The following TMPRSS15 variants were observed in gnomAD, a reference collection of about 807,000 sequenced individuals.
The protein encoded by TMPRSS15 is transmembrane serine protease 15.
Under a neutral mutation model 125.3 loss-of-function variants are expected in TMPRSS15, and 128 were observed. The ratio of observed to expected loss-of-function variants is 1.02; its 90% CI spans 0.89 to 1.18. The LOEUF (loss-of-function observed/expected upper bound fraction) is 1.18, where lower values mean the gene tolerates loss of function less well. TMPRSS15 is among the 50% of genes most tolerant of loss of function. TMPRSS15 has a pLI of 0.00. For missense variants in TMPRSS15, 1,283 were observed against 1,212.7 expected (o/e 1.06, Z -0.86); for synonymous variants, 446 against 423.2 (o/e 1.05, Z -0.66).
chr21:18,418,157 G>C (rs535317675), intron 1 of TMPRSS15, among the ~76,000 whole-genome samples: 1 of 152,260 alleles, frequency 6.6e-6, no homozygotes, highest in South Asian at 2.1e-4. Context: ...TTCCAAACAG[G>C]CTCTCTCCTA....
chr21:18,391,292 C>G (rs1456505782), intron 3 of TMPRSS15, among the ~76,000 whole-genome samples: 1 of 152,236 alleles, frequency 6.6e-6, no homozygotes. Flanking sequence ...AGACAAGGCT[C>G]TTCTGCCTAT....
Position 18,326,801 on chromosome 21 carries a change from A to G in TMPRSS15, c.1781-229T>C, listed in dbSNP as rs118001987. Among the ~76,000 whole-genome samples, 947 of 152,346 alleles carry G rather than the reference A, an allele frequency of 6.2e-3. 3 individuals carry two copies. The highest frequency in any genetic ancestry group is 9.9e-3 in the Non-Finnish European group (673 of 68,026). On this transcript the variant is annotated intron_variant, in intron 15 of 24. Transcript: ENST00000284885. ...TATTTCTTGAGGTTTGTGCAACTCT[A>G]TAATGTAATGATGAATTACTTATAA...
rs569097848 is a variant in TMPRSS15 at position 18,329,589 on chromosome 21, C to T, written c.1655-295G>A. ...TCAAAGTTTACAAATATTATTTTAC[C>T]TCTACAATATAACATTTATGAATAT... is the stretch of plus-strand genomic sequence containing the variant. On this transcript the variant is annotated intron_variant, in intron 14 of 24. Transcript: ENST00000284885. Among the ~76,000 whole-genome samples the T allele has an allele frequency of 2.7e-5, 4 of 150,498 alleles. No individual in the cohort carries two copies. The East Asian group carries it at 7.8e-4, about 29-fold the overall frequency.
intron 8 of TMPRSS15, among the ~76,000 whole-genome samples, chr21:18,357,217 C>A (rs1004177446): frequency 2.0e-5 from 3 of 151,746 alleles, no homozygotes; most frequent in Non-Finnish European, 4.4e-5. Context: ...CAATATTATA[C>A]CTTCATCATT....
At chr21:18,400,180 C>G (rs1197393917) in intron 1 of TMPRSS15, among the ~76,000 whole-genome samples, 3 of 152,038 alleles carry the variant, frequency 2.0e-5, no homozygotes, top group Admixed American at 6.6e-5. Flanking sequence ...AATGCTATTC[C>G]TATTAAACTA....
At chr21:18,284,236 C>G (rs2146878557) in intron 21 of TMPRSS15, among the ~76,000 whole-genome samples, 1 of 152,248 alleles carries the variant, frequency 6.6e-6, no homozygotes, top group South Asian at 2.1e-4. Flanking sequence ...ACCACAAAAC[C>G]AACACTAGCA....
intron 1 of TMPRSS15, among the ~76,000 whole-genome samples, chr21:18,479,238 G>A (rs767242815): frequency 6.7e-6 from 1 of 149,880 alleles, no homozygotes; most frequent in Admixed American, 6.7e-5. Flanking sequence ...GTTCCTATAT[G>A]ATTGGAATCT....
At chr21:18,276,080 C>T (rs1051279673) in intron 23 of TMPRSS15, among the ~76,000 whole-genome samples, 2 of 152,056 alleles carry the variant, frequency 1.3e-5, no homozygotes, top group African/African-American at 2.4e-5. Context: ...AGAGGCAGAA[C>T]GTTGAAGAGA....
intron 1 of TMPRSS15, among the ~76,000 whole-genome samples, chr21:18,470,320 CAA>C (rs61488573): frequency 2.0e-5 from 3 of 147,790 alleles, no homozygotes; most frequent in African/African-American, 7.3e-5. Context: ...ATACAGAAAA[CAA>C]AAAAAAAAGT....
intron 1 of TMPRSS15, among the ~76,000 whole-genome samples, chr21:18,446,055 A>G (rs1320006392): frequency 2.0e-5 from 3 of 152,240 alleles, no homozygotes; most frequent in Non-Finnish European, 4.4e-5. Flanking sequence ...ATACTTAGGA[A>G]AACCTCAAGA....
chr21:18,378,048 A>G (rs949968769), intron 5 of TMPRSS15, among the ~76,000 whole-genome samples: 2 of 152,178 alleles, frequency 1.3e-5, no homozygotes, highest in Non-Finnish European at 2.9e-5. Flanking sequence ...GAGGGCCTTA[A>G]TGACTTTGAA....
chr21:18,300,277 T>A (rs1231259123), intron 18 of TMPRSS15, among the ~76,000 whole-genome samples: 2 of 147,992 alleles, frequency 1.4e-5, no homozygotes, highest in Non-Finnish European at 3.0e-5. Context: ...TTCTCTCTTC[T>A]TTCTCTCTCT....
At chr21:18,442,608 T>C (rs1235858915) in intron 1 of TMPRSS15, among the ~76,000 whole-genome samples, 3 of 152,226 alleles carry the variant, frequency 2.0e-5, no homozygotes, top group East Asian at 1.9e-4. Flanking sequence ...TATTGCTACC[T>C]TGAATATCAC....
At chr21:18,346,105 C>A (rs958189907) in intron 10 of TMPRSS15, among the ~76,000 whole-genome samples, 1 of 151,750 alleles carries the variant, frequency 6.6e-6, no homozygotes. Context: ...TAATATATAA[C>A]ATTAAATTGC....
intron 10 of TMPRSS15, among the ~76,000 whole-genome samples, 167 bp downstream of exon 10, chr21:18,352,736 T>C (rs1409309224): frequency 6.6e-6 from 1 of 152,004 alleles, no homozygotes; most frequent in Non-Finnish European, 1.5e-5. Context: ...TCACTTTTAC[T>C]TGCCTGTTTG....
In TMPRSS15 at chr21:18,348,781, T is replaced by C. The variant is rs538890004; in HGVS notation, c.1171+4122A>G. 2.6e-3 allele frequency among the ~76,000 whole-genome samples: 394 copies of C among 152,332 alleles called. 1 individual carries two copies. Among genetic ancestry groups the C allele is most frequent in the African/African-American group, 8.7e-3 (361 of 41,576 alleles). On this transcript the variant is annotated intron_variant, in intron 10 of 24. Transcript: ENST00000284885. ...CTCCCCAACATATGACTTAGAACAG[T>C]ACCACAGCCAATGTATGTTTCTCGA...
intron 10 of TMPRSS15, among the ~76,000 whole-genome samples, chr21:18,344,454 A>C (rs971092944): frequency 1.3e-5 from 2 of 152,214 alleles, no homozygotes; most frequent in Non-Finnish European, 2.9e-5. Context: ...GAATATACAC[A>C]TATATTTAAA....
chr21:18,481,199 TC>T (rs996080170), intron 1 of TMPRSS15, among the ~76,000 whole-genome samples: 2 of 151,836 alleles, frequency 1.3e-5, no homozygotes, highest in Non-Finnish European at 2.9e-5. Flanking sequence ...TAAGAGTCCC[TC>T]CCTTATTTCA....
chr21:18,324,089 AT>A (rs989893727), intron 16 of TMPRSS15, among the ~76,000 whole-genome samples: 77 of 149,942 alleles, frequency 5.1e-4, no homozygotes, highest in African/African-American at 1.6e-3. Context: ...TTGCTCATTA[AT>A]TTTTTTTTTA....
Sources: allele counts gnomAD v4.1 joint callset (sites outside exome capture counted in the v4.1 genomes callset), GRCh38; gene constraint gnomAD v4.1.1; transcripts MANE v1.5; gene names NCBI Gene and HGNC (gene_info 2026-07-23, HGNC 2026-07-21).